EPS15L1: variants seen among roughly 807,000 people sequenced by gnomAD.
EPS15L1 encodes the protein epidermal growth factor receptor pathway substrate 15 like 1, also known as epidermal growth factor receptor substrate 15-like 1.
A neutral mutation model predicts 117.1 loss-of-function variants in EPS15L1; 43 were observed. The observed-to-expected ratio is 0.37, with a 90% CI of 0.29 to 0.47. The LOEUF is 0.47. Among genes scored for constraint, EPS15L1 ranks in the 20% least tolerant of loss-of-function variants. The pLI, the probability that EPS15L1 is intolerant of heterozygous loss-of-function variation, is 0.99. For synonymous variants in EPS15L1, 459 were observed against 470.5 expected (o/e 0.98, Z 0.32); for missense variants, 981 against 1,164.0 (o/e 0.84, Z 2.29).
intron 22 of EPS15L1, among the ~76,000 whole-genome samples, chr19:16,366,311 G>A (rs974819382): frequency 3.3e-5 from 5 of 152,068 alleles, no homozygotes; most frequent in Admixed American, 1.3e-4. Flanking sequence ...CGACTGCCAC[G>A]GTACAGAAGG....
chr19:16,453,708 A>C (rs909228139), intron 1 of EPS15L1, among the ~76,000 whole-genome samples: 8 of 151,466 alleles, frequency 5.3e-5, no homozygotes, highest in African/African-American at 1.9e-4. Flanking sequence ...GCGAGACTCC[A>C]TCTCAAAAAA....
intron 18 of EPS15L1, 37 bp from the exon 19 acceptor site, chr19:16,392,477 C>T (rs372238257): frequency 8.6e-5 from 137 of 1,584,896 alleles, no homozygotes; most frequent in Non-Finnish European, 1.1e-4. Flanking sequence ...AACATTATAC[C>T]AAGTGAAAGA....
intron 13 of EPS15L1, chr19:16,413,179 T>G (rs192472375): frequency 3.5e-4 from 228 of 658,946 alleles, no homozygotes; most frequent in Non-Finnish European, 1.5e-4. Flanking sequence ...AAGCTCTCCA[T>G]TGTCCCCGTG....
At chr19:16,424,980 ATT>A in intron 9 of EPS15L1, 101 bp downstream of exon 9, 1 of 1,079,130 alleles carries the variant, frequency 9.3e-7, no homozygotes, top group Non-Finnish European at 1.4e-6. Context: ...TTTTAAAGAC[ATT>A]TCATCACAAG....
intron 16 of EPS15L1, chr19:16,401,363 T>A (rs2092599754): frequency 5.1e-6 from 5 of 985,288 alleles, no homozygotes; most frequent in Non-Finnish European, 3.6e-6. Flanking sequence ...AAGTGTGGTG[T>A]TTAGAGAGCA....
Position 16,441,747 on chromosome 19 carries a change from C to T in EPS15L1, c.165+145G>A, listed in dbSNP as rs1391907644. ...CCACCTGGGCATTTGGATCCACCAG[C>T]TGCAGCCTGAGAGGTCTGCAGCGAC... is the stretch of plus-strand genomic sequence containing the variant. On this transcript the variant is annotated intron_variant, in intron 3 of 23. Coordinates refer to ENST00000455140, the MANE Select transcript of EPS15L1 (RefSeq NM_001258374.3). 3 of 566,530 alleles carry T rather than the reference C, an allele frequency of 5.3e-6. No homozygotes were observed. In the African/African-American group the frequency reaches 5.8e-5, roughly 11 times the overall value. 35.1% of individuals were successfully genotyped at this position (566,530 alleles called of 1,614,324 possible). A position where few individuals can be genotyped will look rare whatever the true frequency, so the allele number is the denominator to read the frequency against.
At chr19:16,394,268 TG>T (rs2092515894) in intron 17 of EPS15L1, among the ~76,000 whole-genome samples, 1 of 152,164 alleles carries the variant, frequency 6.6e-6, no homozygotes, top group Admixed American at 6.5e-5. Flanking sequence ...AGACTGGAGT[TG>T]GGGAAGACAC....
chr19:16,460,263 G>A (rs1378826057), intron 1 of EPS15L1, among the ~76,000 whole-genome samples: 4 of 152,072 alleles, frequency 2.6e-5, no homozygotes, highest in South Asian at 4.1e-4. Flanking sequence ...CAACCTGGGC[G>A]ACAGAGCCTG....
chr19:16,410,231 T>A (rs1167142326), intron 13 of EPS15L1, among the ~76,000 whole-genome samples: 2 of 151,888 alleles, frequency 1.3e-5, no homozygotes, highest in African/African-American at 4.8e-5. Context: ...AATGACTACA[T>A]ACAAATGGCT....
In EPS15L1 at chr19:16,366,026, T is replaced by C. The variant is rs2092128477; in HGVS notation, c.2381-4042A>G. On this transcript the variant is annotated intron_variant, in intron 22 of 23. Transcript: ENST00000455140. ...TCCTGGTTTGCAGGAAACAGCAATG[T>C]TACTGTGCATGCTTGGGTATTTGAT... is the stretch of plus-strand genomic sequence containing the variant. Among the ~76,000 whole-genome samples the C allele has an allele frequency of 1.3e-5, 2 of 152,228 alleles. 1 individual carries two copies. The highest frequency in any genetic ancestry group is 4.1e-4 in the South Asian group (2 of 4,828).
chr19:16,422,973 G>C (rs1027373452), intron 9 of EPS15L1, among the ~76,000 whole-genome samples: 26 of 150,636 alleles, frequency 1.7e-4, no homozygotes, highest in Admixed American at 7.9e-4. Flanking sequence ...AAAAAAAAGG[G>C]GGGGGGGATT....
At chr19:16,413,962 AG>A in intron 12 of EPS15L1, 117 bp from the exon 13 acceptor site, 1 of 740,134 alleles carries the variant, frequency 1.4e-6, no homozygotes. Flanking sequence ...CAGAAGTCTA[AG>A]AATGAGACCC....
intron 16 of EPS15L1, among the ~76,000 whole-genome samples, chr19:16,395,934 G>GTGAAAT (rs112767263): frequency 1.4e-5 from 2 of 142,790 alleles, no homozygotes; most frequent in Admixed American, 7.0e-5. Context: ...GATAGAGTGA[G>GTGAAAT]TCTATCTCAA....
At chr19:16,439,753 G>A (rs2093011730) in intron 4 of EPS15L1, among the ~76,000 whole-genome samples, 1 of 151,884 alleles carries the variant, frequency 6.6e-6, no homozygotes, top group Admixed American at 6.6e-5. Context: ...AAAGAAGGGA[G>A]GTACAAGTGA....
intron 22 of EPS15L1, among the ~76,000 whole-genome samples, chr19:16,376,810 G>A (rs1008296508): frequency 6.6e-6 from 1 of 152,250 alleles, no homozygotes; most frequent in African/African-American, 2.4e-5. Flanking sequence ...GCACTGACAT[G>A]CTCAGGCGGA....
chr19:16,417,347 C>A lies in EPS15L1; in HGVS notation c.1193+205G>T, dbSNP rs1164204963. 12 of 556,334 alleles carry A rather than the reference C, an allele frequency of 2.2e-5. No homozygotes were observed. The Admixed American group carries it at 3.6e-4, about 16-fold the overall frequency. 34.5% of individuals were successfully genotyped at this position (556,334 alleles called of 1,614,324 possible). On this transcript the variant is annotated intron_variant, in intron 12 of 23. Coordinates refer to ENST00000455140, the MANE Select transcript of EPS15L1 (RefSeq NM_001258374.3). ...CCTGAGACCACACAGATGCTACGGG[C>A]TCTGGCTGAGGCTGATTCAAATGGA...
At chr19:16,359,402 C>T (rs2092022743) in intron 23 of EPS15L1, among the ~76,000 whole-genome samples, 1 of 152,294 alleles carries the variant, frequency 6.6e-6, no homozygotes, top group Non-Finnish European at 1.5e-5. Flanking sequence ...CAGAGGAGAG[C>T]TGGTTATGGA....
intron 18 of EPS15L1, among the ~76,000 whole-genome samples, chr19:16,392,783 A>G (rs2092491858): frequency 6.6e-6 from 1 of 152,176 alleles, no homozygotes; most frequent in Non-Finnish European, 1.5e-5. Flanking sequence ...GCCAGGCACA[A>G]TGGCTCATGC....
intron 7 of EPS15L1, among the ~76,000 whole-genome samples, chr19:16,431,465 A>C (rs1279250285): frequency 6.6e-6 from 1 of 151,514 alleles, no homozygotes; most frequent in Non-Finnish European, 1.5e-5. Flanking sequence ...CACCATGCCC[A>C]GCTAATTTTT....
Sources: gnomAD v4.1 joint callset for allele counts (sites outside exome capture counted in the v4.1 genomes callset) on GRCh38, gnomAD v4.1.1 for gene constraint, MANE v1.5 for transcripts, NCBI Gene and HGNC (gene_info 2026-07-23, HGNC 2026-07-21) for gene names.